Variants in CAB39L observed in about 807,000 individuals in gnomAD.
CAB39L encodes calcium-binding protein 39-like.
CAB39L carries 23 observed loss-of-function variants against 39.1 expected under a neutral mutation model. The ratio of observed to expected loss-of-function variants is 0.59; its 90% CI spans 0.42 to 0.83. The LOEUF is 0.83. Ranked by LOEUF, CAB39L falls within the 40% of genes least tolerant of loss-of-function variation. CAB39L has a pLI of 0.00. For synonymous variants in CAB39L, 126 were observed against 137.2 expected (o/e 0.92, Z 0.57); for missense variants, 366 against 391.9 (o/e 0.93, Z 0.56).
intron 1 of CAB39L, among the ~76,000 whole-genome samples, chr13:49,442,808 A>AACAAAC (rs1957559790): frequency 6.7e-6 from 1 of 149,314 alleles, no homozygotes; most frequent in African/African-American, 2.5e-5. Context: ...AAAAAAAAAA[A>AACAAAC]AAAAAAAAAA....
intron 10 of CAB39L, among the ~76,000 whole-genome samples, chr13:49,329,213 G>T (rs927970202): frequency 3.3e-5 from 5 of 152,024 alleles, no homozygotes; most frequent in Admixed American, 3.3e-4. Context: ...TCCATAACAA[G>T]TCTTAATATC....
chr13:49,377,282 G>A, intron 4 of CAB39L, 151 bp from the exon 5 acceptor site: 1 of 180,360 alleles, frequency 5.5e-6, no homozygotes, highest in Non-Finnish European at 1.0e-5. Context: ...AAACAGTGAG[G>A]GGAATCACCA....
rs1301511888 is a variant in CAB39L, at chr13:49,378,154, C to T, written c.112-1023G>A. Among the ~76,000 whole-genome samples, 162 of 77,002 alleles carry T rather than the reference C, an allele frequency of 2.1e-3. 26 individuals carry two copies. Among genetic ancestry groups the T allele is most frequent in the Non-Finnish European group, 5.2e-4 (20 of 38,736 alleles). The allele number at this position is 77,002 out of a possible 152,430, so 50.5% of individuals were successfully genotyped here. A position where few individuals can be genotyped will look rare whatever the true frequency, so the allele number is the denominator to read the frequency against. On this transcript the variant is annotated intron_variant, in intron 4 of 10. Transcript: ENST00000409308. ...CTGAGAAGTGAGGAGCCCCTCCGCC[C>T]GGCAGCCGCCCCGTCTGAGAAGTGA...
intron 1 of CAB39L, among the ~76,000 whole-genome samples, chr13:49,437,600 TAC>T (rs1379368242): frequency 1.3e-5 from 2 of 152,214 alleles, no homozygotes; most frequent in South Asian, 2.1e-4. Context: ...CCTCTTTTTT[TAC>T]AGTCTCCACC....
chr13:49,373,300 A>G (rs551066291), intron 5 of CAB39L, among the ~76,000 whole-genome samples: 18 of 152,294 alleles, frequency 1.2e-4, no homozygotes, highest in African/African-American at 4.3e-4. Context: ...CCTTACAGAC[A>G]TTGCCTAGAG....
chr13:49,311,925 G>A (rs559334763), intron 10 of CAB39L, among the ~76,000 whole-genome samples: 104 of 152,202 alleles, frequency 6.8e-4, no homozygotes, highest in African/African-American at 2.3e-3. Flanking sequence ...ACAGGGTCTC[G>A]CTCTGTCACC....
Position 49,309,513 on chromosome 13 carries a change from GT to G in CAB39L, c.*1300del, listed in dbSNP as rs1953928202. 6.6e-6 allele frequency: 1 copy of G among 152,210 alleles called. No homozygotes were observed. Among genetic ancestry groups the G allele is most frequent in the African/African-American group, 2.4e-5 (1 of 41,454 alleles). 9.4% of individuals were successfully genotyped at this position (152,210 alleles called of 1,614,324 possible). A position where few individuals can be genotyped will look rare whatever the true frequency, so the allele number is the denominator to read the frequency against. ...AACGATTCATGATTTAGAAACTGAAGTGTAAAAAATACAGATCAACAATTGT... is the reference window on the plus strand; with the variant it reads ...AACGATTCATGATTTAGAAACTGAAGGTAAAAAATACAGATCAACAATTGT... On this transcript the variant is annotated 3_prime_UTR_variant, in exon 11 of 11. Transcript: ENST00000409308.
At position 49,350,729 on chromosome 13, in the gene CAB39L, G is replaced by A; in HGVS notation, c.564+15C>T. Reference sequence around the variant, plus strand: ...ACTATAAATTGACCTAGCTGAGTTGGAAAAAAAAAATTACCTTGAAAGTAG... The same window carrying A: ...ACTATAAATTGACCTAGCTGAGTTGAAAAAAAAAAATTACCTTGAAAGTAG... On this transcript the variant is annotated intron_variant, in intron 7 of 10. Coordinates refer to ENST00000409308, the MANE Select transcript of CAB39L (RefSeq NM_001079670.3). The A allele has an allele frequency of 1.4e-6, 2 of 1,431,660 alleles. No individual in the cohort carries two copies. Among genetic ancestry groups the A allele is most frequent in the East Asian group, 2.5e-5 (1 of 40,220 alleles). 88.7% of individuals were successfully genotyped at this position (1,431,660 alleles called of 1,614,324 possible).
intron 9 of CAB39L, among the ~76,000 whole-genome samples, chr13:49,337,841 T>C (rs1299906356): frequency 6.6e-6 from 1 of 151,972 alleles, no homozygotes; most frequent in Non-Finnish European, 1.5e-5. Context: ...CTTAAAACCA[T>C]CTGAAAACTA....
intron 4 of CAB39L, among the ~76,000 whole-genome samples, chr13:49,380,447 AG>A (rs1389470228): frequency 6.6e-6 from 1 of 152,198 alleles, no homozygotes; most frequent in Non-Finnish European, 1.5e-5. Flanking sequence ...AAAGAATACT[AG>A]GCAAATCCAT....
chr13:49,374,677 G>C (rs1272138620), intron 5 of CAB39L, among the ~76,000 whole-genome samples: 1 of 152,064 alleles, frequency 6.6e-6, no homozygotes, highest in East Asian at 1.9e-4. Flanking sequence ...GTTTTTCTTT[G>C]GTATACTCCT....
chr13:49,362,975 T>A (rs1288106332), intron 5 of CAB39L, among the ~76,000 whole-genome samples: 1 of 152,126 alleles, frequency 6.6e-6, no homozygotes, highest in Non-Finnish European at 1.5e-5. Context: ...AACAAATCTT[T>A]TACCCTAGTA....
chr13:49,369,250 A>G (rs1330566998), intron 5 of CAB39L, among the ~76,000 whole-genome samples: 1 of 152,270 alleles, frequency 6.6e-6, no homozygotes, highest in Non-Finnish European at 1.5e-5. Context: ...CACACTAAAT[A>G]CTATACATAA....
intron 3 of CAB39L, among the ~76,000 whole-genome samples, chr13:49,429,734 T>C (rs1202270063): frequency 6.6e-6 from 1 of 152,328 alleles, no homozygotes; most frequent in Non-Finnish European, 1.5e-5. Flanking sequence ...TTCTTGCTTA[T>C]TTAGAATGAA....
At position 49,361,335 on chromosome 13, in the gene CAB39L, G is replaced by A. The variant is rs111245397; in HGVS notation, c.277-1503C>T. Among the ~76,000 whole-genome samples, 672 of 151,800 alleles carry A rather than the reference G, an allele frequency of 4.4e-3. 7 individuals are homozygous for A. Among genetic ancestry groups the A allele is most frequent in the African/African-American group, 0.016 (643 of 41,382 alleles). On this transcript the variant is annotated intron_variant, in intron 5 of 10. Transcript: ENST00000409308. ...TCTAGTAAAAATACAAAAATTAACCGGCTGTGGTGGTGTGCACCTGTAGTC... is the reference window on the plus strand; with the variant it reads ...TCTAGTAAAAATACAAAAATTAACCAGCTGTGGTGGTGTGCACCTGTAGTC...
intron 3 of CAB39L, among the ~76,000 whole-genome samples, chr13:49,416,276 C>A (rs763218436): frequency 6.6e-6 from 1 of 152,130 alleles, no homozygotes; most frequent in Non-Finnish European, 1.5e-5. Context: ...AACTATTGCC[C>A]TTCTACAGAA....
intron 4 of CAB39L, 128 bp from the exon 5 acceptor site, chr13:49,377,259 T>C: frequency 1.7e-6 from 1 of 594,632 alleles, no homozygotes. Context: ...ATGGCACAGT[T>C]ACAAACAAAC....
intron 3 of CAB39L, among the ~76,000 whole-genome samples, chr13:49,425,588 G>A (rs1281558818): frequency 2.6e-5 from 4 of 152,136 alleles, no homozygotes; most frequent in Non-Finnish European, 4.4e-5. Flanking sequence ...CAGGCACAAA[G>A]CTAAAAATAT....
chr13:49,382,722 C>A (rs1212931901), intron 4 of CAB39L, 78 bp downstream of exon 4: 2 of 874,594 alleles, frequency 2.3e-6, no homozygotes, highest in Non-Finnish European at 3.8e-6. Context: ...ATTTTGAATT[C>A]TTCATTAAGC....
Sources: gnomAD v4.1 joint callset for allele counts (sites outside exome capture counted in the v4.1 genomes callset) on GRCh38, gnomAD v4.1.1 for gene constraint, MANE v1.5 for transcripts, NCBI Gene and HGNC (gene_info 2026-07-23, HGNC 2026-07-21) for gene names.